SLC24A3: variants seen among roughly 807,000 people sequenced by gnomAD.
SLC24A3 encodes solute carrier family 24 member 3.
In SLC24A3, 28 loss-of-function variants were observed where a neutral mutation model predicts 75.8. The ratio of observed to expected loss-of-function variants is 0.37; its 90% CI spans 0.27 to 0.51. SLC24A3 has a LOEUF of 0.51. Among genes scored for constraint, SLC24A3 ranks in the 20% least tolerant of loss-of-function variants. SLC24A3 has a pLI of 0.94. For missense variants in SLC24A3, 663 were observed against 847.8 expected (o/e 0.78, Z 2.71); for synonymous variants, 372 against 334.1 (o/e 1.11, Z -1.24).
intron 2 of SLC24A3, among the ~76,000 whole-genome samples, chr20:19,480,261 A>G (rs912534521): frequency 6.6e-6 from 1 of 152,178 alleles, no homozygotes; most frequent in Non-Finnish European, 1.5e-5. Context: ...GAGTGAGCTA[A>G]GAGAAGTCAT....
chr20:19,358,577 AG>A (rs1985731449), intron 2 of SLC24A3, among the ~76,000 whole-genome samples: 1 of 152,200 alleles, frequency 6.6e-6, no homozygotes, highest in South Asian at 2.1e-4. Context: ...AGAAATCCAA[AG>A]GTGTCCAGTT....
intron 2 of SLC24A3, among the ~76,000 whole-genome samples, chr20:19,461,529 CTTTTTTT>C (rs11468628): frequency 9.9e-5 from 10 of 101,426 alleles, no homozygotes; most frequent in African/African-American, 3.2e-4. Flanking sequence ...TCTTTTTTTT[CTTTTTTT>C]TTTTTTTTTT....
intron 2 of SLC24A3, among the ~76,000 whole-genome samples, chr20:19,314,722 C>G (rs1252932662): frequency 4.6e-5 from 7 of 152,248 alleles, no homozygotes; most frequent in Non-Finnish European, 1.0e-4. Flanking sequence ...CAGCCTGTAA[C>G]TCCTGCCATG....
rs781036799 is a variant in SLC24A3 at position 19,580,079 on chromosome 20, G to C, written c.423+5G>C. On this transcript the variant is annotated splice_donor_5th_base_variant and intron_variant, in intron 4 of 16. Transcript: ENST00000328041. The stretch of plus-strand genomic sequence containing the variant: ...TCCTTGGAAAAGATCTGTGAGGTAC[G>C]TGCCTCACATTCTTGGTATGTGTGA... 1 of 1,612,568 alleles carries C rather than the reference G, an allele frequency of 6.2e-7. No homozygotes were observed.
intron 2 of SLC24A3, among the ~76,000 whole-genome samples, chr20:19,344,446 G>A (rs1437223553): frequency 4.6e-5 from 7 of 152,192 alleles, no homozygotes; most frequent in Non-Finnish European, 1.5e-5. Flanking sequence ...TCTGAGACTA[G>A]CATTTAAATT....
intron 1 of SLC24A3, among the ~76,000 whole-genome samples, chr20:19,231,810 G>T (rs1446484539): frequency 1.3e-5 from 2 of 152,234 alleles, no homozygotes; most frequent in African/African-American, 4.8e-5. Context: ...GCAGGAACAG[G>T]AAGTCCTGGA....
chr20:19,715,847 A>T (rs1054749783), intron 15 of SLC24A3, among the ~76,000 whole-genome samples: 2 of 152,212 alleles, frequency 1.3e-5, no homozygotes, highest in Non-Finnish European at 2.9e-5. Context: ...CCTTCCCAAG[A>T]ACGTAGAGAA....
intron 2 of SLC24A3, among the ~76,000 whole-genome samples, chr20:19,340,470 CCAAT>C (rs968439021): frequency 6.6e-5 from 10 of 152,164 alleles, no homozygotes; most frequent in African/African-American, 1.9e-4. Flanking sequence ...ATGGTTTAAG[CCAAT>C]CAGTCTGTGG....
At chr20:19,422,704 C>T (rs1986937251) in intron 2 of SLC24A3, among the ~76,000 whole-genome samples, 2 of 152,286 alleles carry the variant, frequency 1.3e-5, no homozygotes, top group East Asian at 1.9e-4. Context: ...CAGGTGTTTC[C>T]AATGAGCAGC....
chr20:19,444,549 G>A (rs1987348671), intron 2 of SLC24A3, among the ~76,000 whole-genome samples: 2 of 152,158 alleles, frequency 1.3e-5, no homozygotes, highest in South Asian at 2.1e-4. Flanking sequence ...ATTTGAATTT[G>A]GTAGACTTTG....
At chr20:19,461,529 C>CTTTTTTTT (rs11468628) in intron 2 of SLC24A3, among the ~76,000 whole-genome samples, 148 of 101,356 alleles carry the variant, frequency 1.5e-3, no homozygotes, top group East Asian at 4.2e-3. Context: ...TCTTTTTTTT[C>CTTTTTTTT]TTTTTTTTTT....
At chr20:19,438,438 G>T (rs1381951594) in intron 2 of SLC24A3, among the ~76,000 whole-genome samples, 3 of 152,128 alleles carry the variant, frequency 2.0e-5, no homozygotes, top group Admixed American at 1.3e-4. Flanking sequence ...CAAACTGCTT[G>T]CTGGCCTCTA....
Position 19,713,765 on chromosome 20 carries a change from T to C in SLC24A3, c.1720-3763T>C, listed in dbSNP as rs1032815187. 3.3e-5 allele frequency among the ~76,000 whole-genome samples: 5 copies of C among 152,168 alleles called. No homozygotes were observed. In the South Asian group the frequency reaches 1.0e-3, roughly 32 times the overall value. The stretch of plus-strand genomic sequence containing the variant: ...CCCTGTTCAACAGTTTTAACGTGGA[T>C]TAATTCAGTTCAACCTCATAAGCAC... On this transcript the variant is annotated intron_variant, in intron 15 of 16. Transcript: ENST00000328041.
At chr20:19,489,833 A>G (rs562995796) in intron 2 of SLC24A3, among the ~76,000 whole-genome samples, 26 of 152,330 alleles carry the variant, frequency 1.7e-4, no homozygotes, top group Non-Finnish European at 2.9e-4. Flanking sequence ...TGGCCCATAT[A>G]TTAACCTATG....
intron 1 of SLC24A3, among the ~76,000 whole-genome samples, chr20:19,214,644 C>T (rs889177831): frequency 2.0e-5 from 3 of 152,018 alleles, no homozygotes; most frequent in Non-Finnish European, 4.4e-5. Flanking sequence ...TGACAGGGGG[C>T]TGCCTGGGCC....
chr20:19,389,157 A>C (rs959514587), intron 2 of SLC24A3, among the ~76,000 whole-genome samples: 2 of 151,976 alleles, frequency 1.3e-5, no homozygotes. Flanking sequence ...TTAATGTCAT[A>C]ATTTATATCT....
intron 12 of SLC24A3, among the ~76,000 whole-genome samples, chr20:19,687,533 A>G (rs901322963): frequency 6.6e-6 from 1 of 152,350 alleles, no homozygotes; most frequent in East Asian, 1.9e-4. Flanking sequence ...TTAGCTGGCC[A>G]TAACCAAGCT....
At chr20:19,533,819 G>C (rs1014860821) in intron 3 of SLC24A3, among the ~76,000 whole-genome samples, 13 of 152,242 alleles carry the variant, frequency 8.5e-5, no homozygotes, top group African/African-American at 3.1e-4. Context: ...GAAAGATTTT[G>C]CTGGCTGTAA....
At chr20:19,304,909 C>T (rs1266617766) in intron 2 of SLC24A3, among the ~76,000 whole-genome samples, 1 of 152,174 alleles carries the variant, frequency 6.6e-6, no homozygotes, top group Non-Finnish European at 1.5e-5. Context: ...TTGGCCCTGT[C>T]TGAACTTTAA....
Sources: allele counts gnomAD v4.1 joint callset (sites outside exome capture counted in the v4.1 genomes callset), GRCh38; gene constraint gnomAD v4.1.1; transcripts MANE v1.5; gene names NCBI Gene and HGNC (gene_info 2026-07-23, HGNC 2026-07-21).